The following RNF220 variants were observed in gnomAD, a reference collection of about 807,000 sequenced individuals.
RNF220 encodes the protein E3 ubiquitin-protein ligase RNF220.
Under a neutral mutation model 67.1 loss-of-function variants are expected in RNF220, and 7 were observed. That is an observed-to-expected ratio of 0.10 (90% CI 0.06 to 0.20). The LOEUF is 0.20. Among genes scored for constraint, RNF220 ranks in the 10% least tolerant of loss-of-function variants. The pLI is 1.00. For missense variants in RNF220, 565 were observed against 740.3 expected (o/e 0.76, Z 2.75); for synonymous variants, 270 against 283.2 (o/e 0.95, Z 0.47).
chr1:44,475,229 C>T (rs2148004535), intron 2 of RNF220, among the ~76,000 whole-genome samples: 1 of 152,248 alleles, frequency 6.6e-6, no homozygotes, highest in Non-Finnish European at 1.5e-5. Context: ...TTTGGCCCTA[C>T]ATCAAAAACT....
intron 2 of RNF220, among the ~76,000 whole-genome samples, chr1:44,570,634 G>A (rs1035326534): frequency 1.3e-5 from 2 of 152,112 alleles, no homozygotes; most frequent in Non-Finnish European, 2.9e-5. Flanking sequence ...ATCAGGAATG[G>A]GAAGGCATCC....
chr1:44,412,683 C>T lies in RNF220; in HGVS notation c.586C>T (p.Arg196Trp), dbSNP rs1163010119. 4 of 1,614,020 alleles carry T rather than the reference C, an allele frequency of 2.5e-6. No homozygotes were observed. The highest frequency in any genetic ancestry group is 2.2e-5 in the East Asian group (1 of 44,894). ...TGCTGTCTCTGGCCTCATTTCTGAT[C>T]GGGAAGCCTCATCTAGCCCAGAGGA... ...IFAVSGLISD[R>W]EASSSPEDRN... Residue 196 changes from arginine to tryptophan, a missense_variant, in exon 2 of 15, where the codon CGG (arginine) becomes TGG (tryptophan). Coordinates refer to ENST00000361799, the MANE Select transcript of RNF220 (RefSeq NM_018150.4). This position sits in a 1 kb window ranked among gnomAD's most constrained non-coding sequence, Gnocchi z 5.3.
At chr1:44,626,271 G>T (rs1643935385) in intron 4 of RNF220, 26 bp from the exon 5 acceptor site, 1 of 1,587,708 alleles carries the variant, frequency 6.3e-7, no homozygotes, top group Admixed American at 1.7e-5. Flanking sequence ...TTGGCCTGAG[G>T]CCACATGTCT....
intron 2 of RNF220, among the ~76,000 whole-genome samples, chr1:44,539,956 C>G (rs1661545747): frequency 6.6e-6 from 1 of 152,198 alleles, no homozygotes; most frequent in Admixed American, 6.5e-5. Flanking sequence ...AATACTGTCT[C>G]TTACTAACCT....
intron 2 of RNF220, among the ~76,000 whole-genome samples, chr1:44,442,513 T>TC (rs1431877834): frequency 4.9e-5 from 3 of 61,668 alleles, no homozygotes; most frequent in African/African-American, 1.2e-4. Context: ...CCACTCACAC[T>TC]CTTTTTTTTT....
chr1:44,649,616 T>G lies in RNF220; in HGVS notation c.1446-45T>G. 1 of 1,571,338 alleles carries G rather than the reference T, an allele frequency of 6.4e-7. No individual in the cohort carries two copies. Among genetic ancestry groups the G allele is most frequent in the Non-Finnish European group, 8.8e-7 (1 of 1,141,418 alleles). On this transcript the variant is annotated intron_variant, in intron 12 of 14. Coordinates refer to ENST00000361799, the MANE Select transcript of RNF220 (RefSeq NM_018150.4). This position sits in a 1 kb window ranked among gnomAD's most constrained non-coding sequence, Gnocchi z 5.9. ...GGGAGGCGTAGGCTGGAGGTACAGA[T>G]GAGAGATGCCAGCCTGCTACCCAAC...
chr1:44,424,293 T>C (rs1050866443), intron 2 of RNF220, among the ~76,000 whole-genome samples: 1 of 152,172 alleles, frequency 6.6e-6, no homozygotes, highest in Non-Finnish European at 1.5e-5. Context: ...TCACTTGTGC[T>C]GGTGATAGTG....
chr1:44,527,419 G>A (rs986859106), intron 2 of RNF220, among the ~76,000 whole-genome samples: 7 of 152,010 alleles, frequency 4.6e-5, no homozygotes, highest in African/African-American at 1.7e-4. Context: ...TAAAACTTGG[G>A]AAGTAGGAGA....
intron 3 of RNF220, among the ~76,000 whole-genome samples, 162 bp downstream of exon 3, chr1:44,614,459 G>A (rs1643457704): frequency 1.3e-5 from 2 of 152,154 alleles, no homozygotes; most frequent in East Asian, 1.9e-4. Flanking sequence ...AGATCTTTCC[G>A]CTGAATGGAG....
intron 2 of RNF220, among the ~76,000 whole-genome samples, chr1:44,485,553 C>T (rs1656211519): frequency 6.6e-6 from 1 of 152,258 alleles, no homozygotes; most frequent in East Asian, 1.9e-4. Context: ...CAACTAAGGC[C>T]GTTTTTCCCC....
At chr1:44,454,803 A>G (rs1653019711) in intron 2 of RNF220, among the ~76,000 whole-genome samples, 1 of 152,104 alleles carries the variant, frequency 6.6e-6, no homozygotes, top group African/African-American at 2.4e-5. Flanking sequence ...ACCACCCTCA[A>G]AAATCCCTTC....
rs1431810228 is a variant in RNF220 at position 44,645,861 on chromosome 1, T to C, written c.1445+373T>C. On this transcript the variant is annotated intron_variant, in intron 12 of 14. Transcript: ENST00000361799. The surrounding 1 kb of genome is among the most constrained non-coding windows in gnomAD (Gnocchi z 5.0). ...GGAGCTAAATTGGTTTCATTTTTCT[T>C]GTCCCGGGTGGCACTCGCAGTGGAT... Among the ~76,000 whole-genome samples the C allele has an allele frequency of 6.6e-6, 1 of 152,256 alleles. No individual in the cohort carries two copies. The highest frequency in any genetic ancestry group is 2.4e-5 in the African/African-American group (1 of 41,466).
intron 2 of RNF220, among the ~76,000 whole-genome samples, chr1:44,561,919 AAGAGAG>A (rs150540744): frequency 6.6e-6 from 1 of 151,172 alleles, no homozygotes; most frequent in Non-Finnish European, 1.5e-5. Context: ...CCTGTCTCAA[AAGAGAG>A]AGAGAGAGAG....
chr1:44,532,652 AGT>A (rs1189609232), intron 2 of RNF220, among the ~76,000 whole-genome samples: 1 of 152,236 alleles, frequency 6.6e-6, no homozygotes, highest in Non-Finnish European at 1.5e-5. Context: ...GAATTATAAC[AGT>A]GTGCCTTTCA....
At chr1:44,527,037 T>A (rs1660432050) in intron 2 of RNF220, among the ~76,000 whole-genome samples, 1 of 151,948 alleles carries the variant, frequency 6.6e-6, no homozygotes, top group African/African-American at 2.4e-5. Context: ...CTTCTCTCCT[T>A]ACTTACGCAT....
intron 2 of RNF220, among the ~76,000 whole-genome samples, chr1:44,489,584 A>T (rs1400493602): frequency 6.6e-6 from 1 of 152,242 alleles, no homozygotes; most frequent in African/African-American, 2.4e-5. Context: ...CCACATGAGG[A>T]TGACTTAGAT....
intron 6 of RNF220, 42 bp downstream of exon 6, chr1:44,632,427 TCCTC>T (rs762159522): frequency 1.9e-4 from 186 of 953,918 alleles, no homozygotes; most frequent in Middle Eastern, 4.3e-4. Flanking sequence ...ACCCCCGGCC[TCCTC>T]CCTCCCTCCC....
At chr1:44,598,983 C>T (rs1273302558) in intron 2 of RNF220, among the ~76,000 whole-genome samples, 3 of 152,036 alleles carry the variant, frequency 2.0e-5, no homozygotes, top group African/African-American at 7.2e-5. Flanking sequence ...TTTTTCCAGA[C>T]ATTCTCCTGC....
At chr1:44,536,494 CCAG>C (rs1341461861) in intron 2 of RNF220, among the ~76,000 whole-genome samples, 5 of 152,174 alleles carry the variant, frequency 3.3e-5, no homozygotes, top group Admixed American at 3.3e-4. Flanking sequence ...TCTGGGCTGT[CCAG>C]CAGGCTGTGG....
Sources: gnomAD v4.1 joint callset for allele counts (sites outside exome capture counted in the v4.1 genomes callset) on GRCh38, gnomAD v4.1.1 for gene constraint, Gnocchi (gnomAD v3.1) non-coding constraint, MANE v1.5 for transcripts, NCBI Gene and HGNC (gene_info 2026-07-23, HGNC 2026-07-21) for gene names.